SND1: variants seen among roughly 807,000 people sequenced by gnomAD.
SND1 encodes the protein staphylococcal nuclease and tudor domain containing 1.
SND1 carries 38 observed loss-of-function variants against 121.7 expected under a neutral mutation model. The observed-to-expected ratio is 0.31, with a 90% CI of 0.24 to 0.41. The LOEUF is 0.41. Among genes scored for constraint, SND1 ranks in the 10% least tolerant of loss-of-function variants. SND1 has a pLI of 1.00. For missense variants in SND1, 868 were observed against 1,184.6 expected (o/e 0.73, Z 3.92); for synonymous variants, 401 against 447.4 (o/e 0.90, Z 1.31).
intron 11 of SND1, among the ~76,000 whole-genome samples, chr7:127,827,973 A>C (rs1394088233): frequency 1.3e-5 from 2 of 150,836 alleles, no homozygotes; most frequent in African/African-American, 4.9e-5. Context: ...TATAGTTAGC[A>C]TTTTTCTTAC....
chr7:127,883,879 C>A (rs1048634450), intron 12 of SND1, among the ~76,000 whole-genome samples: 2 of 152,092 alleles, frequency 1.3e-5, no homozygotes, highest in African/African-American at 4.8e-5. Context: ...AGCACTGATT[C>A]ATCATTTATT....
chr7:127,931,749 C>T (rs926377491), intron 15 of SND1, among the ~76,000 whole-genome samples: 1 of 152,160 alleles, frequency 6.6e-6, no homozygotes, highest in Admixed American at 6.5e-5. Context: ...ATTGACCATT[C>T]CAAAAAACCT....
rs967429895 is a variant in SND1, at chr7:127,995,387, C to T, written c.1779+4331C>T. On this transcript the variant is annotated intron_variant, in intron 16 of 23. Transcript: ENST00000354725. ...CTGACTCTTTAAGGCAGTTCCCTGC[C>T]ACACAGTCAAGGACAGGAAGATCTG... 4.6e-5 allele frequency among the ~76,000 whole-genome samples: 7 copies of T among 152,348 alleles called. No homozygotes were observed. The South Asian group carries it at 1.4e-3, about 32-fold the overall frequency.
chr7:127,827,480 T>A (rs1798663110), intron 11 of SND1, among the ~76,000 whole-genome samples: 1 of 152,212 alleles, frequency 6.6e-6, no homozygotes, highest in African/African-American at 2.4e-5. Context: ...GGGCAAATTG[T>A]TTAGCTTCTG....
At chr7:127,692,281 A>T (rs1187140541) in intron 2 of SND1, among the ~76,000 whole-genome samples, 1 of 152,204 alleles carries the variant, frequency 6.6e-6, no homozygotes, top group African/African-American at 2.4e-5. Context: ...AGTTCTGAGC[A>T]GGCCGCCAGA....
intron 15 of SND1, among the ~76,000 whole-genome samples, chr7:127,962,646 A>G (rs1012854042): frequency 6.6e-6 from 1 of 152,190 alleles, no homozygotes; most frequent in Non-Finnish European, 1.5e-5. Context: ...GGTCATAACC[A>G]TCAGGCCCAG....
intron 12 of SND1, among the ~76,000 whole-genome samples, chr7:127,879,956 A>G (rs1184432654): frequency 6.6e-6 from 1 of 152,208 alleles, no homozygotes; most frequent in Non-Finnish European, 1.5e-5. Flanking sequence ...ATATGCCTCT[A>G]CTATCAGTGA....
At chr7:127,899,563 A>G (rs1224890553) in intron 13 of SND1, among the ~76,000 whole-genome samples, 1 of 152,168 alleles carries the variant, frequency 6.6e-6, no homozygotes, top group Non-Finnish European at 1.5e-5. Context: ...TGGATATGTA[A>G]ACTGGGGCCA....
In SND1 at chr7:127,859,439, G is replaced by A. The variant is rs146777704; in HGVS notation, c.1343+15015G>A. Reference sequence around the variant, plus strand: ...CCTGTGACCTAAATAGAACCAATAGGAATGAGTTTGCTGTTCCTGAAATAA... The same window carrying A: ...CCTGTGACCTAAATAGAACCAATAGAAATGAGTTTGCTGTTCCTGAAATAA... On this transcript the variant is annotated intron_variant, in intron 12 of 23. Transcript: ENST00000354725. 6.5e-3 allele frequency among the ~76,000 whole-genome samples: 996 copies of A among 152,260 alleles called. 11 individuals are homozygous for A. Among genetic ancestry groups the A allele is most frequent in the Middle Eastern group, 0.014 (4 of 294 alleles).
chr7:127,903,211 G>A (rs891659862), intron 13 of SND1, among the ~76,000 whole-genome samples: 3 of 151,818 alleles, frequency 2.0e-5, no homozygotes, highest in African/African-American at 7.3e-5. Context: ...TTTTTGTAGG[G>A]ACAGGGTTTC....
At chr7:127,934,058 C>T (rs1801005371) in intron 15 of SND1, among the ~76,000 whole-genome samples, 1 of 152,180 alleles carries the variant, frequency 6.6e-6, no homozygotes, top group Non-Finnish European at 1.5e-5. Context: ...TGGACAAGGT[C>T]TAGAAGTAGC....
At chr7:127,891,869 C>T (rs1427251802) in intron 13 of SND1, among the ~76,000 whole-genome samples, 2 of 152,162 alleles carry the variant, frequency 1.3e-5, no homozygotes, top group African/African-American at 4.8e-5. Flanking sequence ...TCTTAAGGTA[C>T]TGTATTTAAT....
chr7:127,794,707 G>A (rs1046935530), intron 10 of SND1, among the ~76,000 whole-genome samples: 1 of 152,192 alleles, frequency 6.6e-6, no homozygotes, highest in African/African-American at 2.4e-5. Flanking sequence ...TGCTGGATGG[G>A]TTTCATCTGG....
At chr7:127,731,492 C>T (rs1385595187) in intron 10 of SND1, among the ~76,000 whole-genome samples, 1 of 152,188 alleles carries the variant, frequency 6.6e-6, no homozygotes, top group Non-Finnish European at 1.5e-5. Flanking sequence ...GCTGCTTGAG[C>T]CAGGCTCTGT....
At chr7:128,068,587 C>A (rs1023314008) in intron 16 of SND1, among the ~76,000 whole-genome samples, 2 of 152,192 alleles carry the variant, frequency 1.3e-5, no homozygotes, top group Non-Finnish European at 1.5e-5. Flanking sequence ...ATTTCTGGAG[C>A]CCAGGGCACT....
At chr7:128,090,446 C>G (rs866946491) in intron 22 of SND1, among the ~76,000 whole-genome samples, 1 of 152,184 alleles carries the variant, frequency 6.6e-6, no homozygotes. Flanking sequence ...TGCAGACCAG[C>G]CCTGCGTCCC....
intron 12 of SND1, among the ~76,000 whole-genome samples, chr7:127,872,145 T>C (rs1799601983): frequency 6.6e-6 from 1 of 152,226 alleles, no homozygotes; most frequent in Admixed American, 6.5e-5. Flanking sequence ...AGAAAACTCA[T>C]TATAATATGT....
intron 16 of SND1, among the ~76,000 whole-genome samples, chr7:128,012,135 C>T (rs1423373250): frequency 6.6e-6 from 1 of 152,130 alleles, no homozygotes; most frequent in Non-Finnish European, 1.5e-5. Context: ...TGTGTTTTGT[C>T]TTTGGACTTT....
chr7:127,951,937 A>G (rs1354670201), intron 15 of SND1, among the ~76,000 whole-genome samples: 1 of 152,252 alleles, frequency 6.6e-6, no homozygotes, highest in African/African-American at 2.4e-5. Flanking sequence ...CTACATAAAA[A>G]GAGGTAGCTC....
Sources: gnomAD v4.1 joint callset for allele counts (sites outside exome capture counted in the v4.1 genomes callset) on GRCh38, gnomAD v4.1.1 for gene constraint, MANE v1.5 for transcripts, NCBI Gene and HGNC (gene_info 2026-07-23, HGNC 2026-07-21) for gene names.